Variants in AGO4 observed in about 807,000 individuals in gnomAD.
AGO4 encodes argonaute RISC component 4.
Under a neutral mutation model 104.7 loss-of-function variants are expected in AGO4, and 33 were observed. The ratio of observed to expected loss-of-function variants is 0.32; its 90% CI spans 0.24 to 0.42. The LOEUF (loss-of-function observed/expected upper bound fraction) is 0.42. Among genes scored for constraint, AGO4 ranks in the 10% least tolerant of loss-of-function variants. The pLI is 1.00. For synonymous variants in AGO4, 331 were observed against 364.7 expected (o/e 0.91, Z 1.05); for missense variants, 711 against 1,083.4 (o/e 0.66, Z 4.83).
intron 1 of AGO4, among the ~76,000 whole-genome samples, chr1:35,811,095 G>A (rs1297569932): frequency 1.3e-5 from 2 of 152,050 alleles, no homozygotes; most frequent in Non-Finnish European, 2.9e-5. Flanking sequence ...AGAGGATGCT[G>A]CGAGCTGAGA....
Position 35,856,426 on chromosome 1 carries a change from G to T in AGO4, c.*2821G>T, listed in dbSNP as rs1644817670. 1 of 152,270 alleles carries T rather than the reference G, an allele frequency of 6.6e-6. No individual in the cohort carries two copies. Among genetic ancestry groups the T allele is most frequent in the Non-Finnish European group, 1.5e-5 (1 of 68,104 alleles). 9.4% of individuals were successfully genotyped at this position (152,270 alleles called of 1,614,324 possible). On this transcript the variant is annotated 3_prime_UTR_variant, in exon 18 of 18. Coordinates refer to ENST00000373210, the MANE Select transcript of AGO4 (RefSeq NM_017629.4). The stretch of plus-strand genomic sequence containing the variant: ...CATTCTCTAGAAGTAGTTTTAGGCT[G>T]TTTGGTTTGGTTTTGGTTTTGTTTT...
intron 15 of AGO4, among the ~76,000 whole-genome samples, chr1:35,849,425 G>A (rs1482518079): frequency 6.7e-6 from 1 of 150,114 alleles, no homozygotes; most frequent in African/African-American, 2.5e-5. Flanking sequence ...GCTCGCACCT[G>A]TAGTCCTAGC....
intron 8 of AGO4, 71 bp from the exon 9 acceptor site, chr1:35,831,741 A>G: frequency 6.3e-7 from 1 of 1,586,150 alleles, no homozygotes; most frequent in Non-Finnish European, 8.6e-7. Context: ...AGAGGATATA[A>G]GATATGGTTT....
chr1:35,850,794 A>AAAC, intron 16 of AGO4, 60 bp from the exon 17 acceptor site: 1 of 1,100,434 alleles, frequency 9.1e-7, no homozygotes, highest in Non-Finnish European at 1.3e-6. Flanking sequence ...AAAAAAAAAA[A>AAAC]AAAAACAAAA....
At chr1:35,845,583 C>G (rs891179637) in intron 15 of AGO4, among the ~76,000 whole-genome samples, 1 of 152,080 alleles carries the variant, frequency 6.6e-6, no homozygotes, top group African/African-American at 2.4e-5. Flanking sequence ...TCATACTTCT[C>G]TCTCTTCTCT....
At chr1:35,839,154 G>T (rs1399683394) in intron 13 of AGO4, among the ~76,000 whole-genome samples, 1 of 151,740 alleles carries the variant, frequency 6.6e-6, no homozygotes, top group Non-Finnish European at 1.5e-5. Flanking sequence ...CTTATTTTTT[G>T]TATTTTTCAT....
rs1415425947 is a variant in AGO4, at chr1:35,825,299, AT to A, written c.307-7del. The A allele has an allele frequency of 1.2e-6, 2 of 1,609,388 alleles. No homozygotes were observed. Among genetic ancestry groups the A allele is most frequent in the South Asian group, 1.1e-5 (1 of 90,704 alleles). ...TAAACATTTGTGTTTGTATTCATGT[AT>A]TTTTTTCCTTAGGTTGATATGGAGG... On this transcript the variant is annotated splice_polypyrimidine_tract_variant and intron_variant, in intron 3 of 17. Coordinates refer to ENST00000373210, the MANE Select transcript of AGO4 (RefSeq NM_017629.4).
At chr1:35,853,426 T>C in intron 17 of AGO4, 71 bp from the exon 18 acceptor site, 3 of 1,426,228 alleles carry the variant, frequency 2.1e-6, no homozygotes, top group South Asian at 1.3e-5. Flanking sequence ...TTTTGTTTTT[T>C]TGTTGTTGTT....
intron 3 of AGO4, among the ~76,000 whole-genome samples, chr1:35,824,871 T>C (rs1350162061): frequency 3.9e-5 from 6 of 152,226 alleles, no homozygotes; most frequent in Admixed American, 3.3e-4. Flanking sequence ...GCATCCATCA[T>C]CACTATCCAT....
chr1:35,807,820 C>T (rs1643343386), upstream of AGO4, among the ~76,000 whole-genome samples: 1 of 152,140 alleles, frequency 6.6e-6, no homozygotes, highest in East Asian at 1.9e-4. Context: ...ACTTTCCACT[C>T]ACAGAAGTGG....
rs142444508 is a variant in AGO4, at chr1:35,840,152, C to T, written c.1725-1013C>T. The stretch of plus-strand genomic sequence containing the variant: ...GATTACAGGTGAGCGCCTCCATGCC[C>T]GTCTAATTTTTTTTTTTGTTTGTTT... On this transcript the variant is annotated intron_variant, in intron 13 of 17. Transcript: ENST00000373210. Among the ~76,000 whole-genome samples the T allele has an allele frequency of 8.8e-4, 131 of 148,062 alleles. 1 individual carries two copies. Among genetic ancestry groups the T allele is most frequent in the African/African-American group, 1.7e-3 (70 of 40,056 alleles).
chr1:35,845,396 A>C (rs1644548329), intron 15 of AGO4, among the ~76,000 whole-genome samples: 1 of 151,796 alleles, frequency 6.6e-6, no homozygotes, highest in Non-Finnish European at 1.5e-5. Context: ...TGGTAGAGAC[A>C]GGGTTTCACT....
intron 7 of AGO4, among the ~76,000 whole-genome samples, chr1:35,830,981 A>AG (rs2148667066): frequency 6.6e-6 from 1 of 151,612 alleles, no homozygotes; most frequent in East Asian, 1.9e-4. Flanking sequence ...CACAAAAAAA[A>AG]AAAAAAAAAA....
intron 1 of AGO4, among the ~76,000 whole-genome samples, chr1:35,812,644 T>C (rs996969969): frequency 2.0e-5 from 3 of 152,180 alleles, no homozygotes; most frequent in Non-Finnish European, 4.4e-5. Flanking sequence ...CTTGCTGGAT[T>C]GCAGTGGCAT....
intron 13 of AGO4, among the ~76,000 whole-genome samples, chr1:35,840,327 A>G (rs1644409867): frequency 6.6e-6 from 1 of 151,814 alleles, no homozygotes; most frequent in South Asian, 2.1e-4. Context: ...CACCTGGCTA[A>G]TTTTTGTATT....
rs1287277169 is a variant in AGO4 at position 35,853,954 on chromosome 1, TAGAAG to T, written c.*356_*360del. 1.2e-5 allele frequency: 2 copies of T among 167,258 alleles called. No homozygotes were observed. Among genetic ancestry groups the T allele is most frequent in the African/African-American group, 4.8e-5 (2 of 41,950 alleles). 10.4% of individuals were successfully genotyped at this position (167,258 alleles called of 1,614,324 possible). A position where few individuals can be genotyped will look rare whatever the true frequency, so the allele number is the denominator to read the frequency against. On this transcript the variant is annotated 3_prime_UTR_variant, in exon 18 of 18. Coordinates refer to ENST00000373210, the MANE Select transcript of AGO4 (RefSeq NM_017629.4). ...GGTGTTCACCGCATCCCTCTAGTCT[TAGAAG>T]AGAAGATTATTCCTTTTTTCTGTAG...
intron 2 of AGO4, among the ~76,000 whole-genome samples, chr1:35,821,650 A>G (rs1643888528): frequency 6.6e-6 from 1 of 152,230 alleles, no homozygotes; most frequent in Non-Finnish European, 1.5e-5. Context: ...AAGAAGCTAT[A>G]TTAATAATCT....
rs377632953 is a variant in AGO4 at position 35,841,443 on chromosome 1, A to G, written c.2003A>G (p.Tyr668Cys). The G allele has an allele frequency of 5.0e-6, 8 of 1,613,940 alleles. No homozygotes were observed. The highest frequency in any genetic ancestry group is 1.1e-5 in the South Asian group (1 of 91,080). Reference protein sequence around the residue: ...STRFKPTRIIYYRGGVSEGQM... With the variant: ...STRFKPTRIICYRGGVSEGQM... ...CGCTTCAAACCCACTCGGATCATCTATTACCGTGGAGGGGTATCTGAGGGA... is the reference window on the plus strand; with the variant it reads ...CGCTTCAAACCCACTCGGATCATCTGTTACCGTGGAGGGGTATCTGAGGGA... Residue 668 changes from tyrosine to cysteine, a missense_variant, in exon 14 of 18, where the codon TAT becomes TGT. Around this residue, in one of 3 missense-constraint regions of AGO4, gnomAD observed 401 missense variants for 665.5 expected, o/e 0.60. Transcript: ENST00000373210. The surrounding 1 kb of genome is among the most constrained non-coding windows in gnomAD (Gnocchi z 4.7).
At chr1:35,839,902 G>A (rs1644397965) in intron 13 of AGO4, among the ~76,000 whole-genome samples, 1 of 151,608 alleles carries the variant, frequency 6.6e-6, no homozygotes, top group African/African-American at 2.4e-5. Flanking sequence ...AGGAGGTTGA[G>A]GCTGCAGTGA....
Sources: gnomAD v4.1 joint callset for allele counts (sites outside exome capture counted in the v4.1 genomes callset) on GRCh38, gnomAD v4.1.1 for gene constraint, gnomAD v4.1.1 regional missense constraint, Gnocchi (gnomAD v3.1) non-coding constraint, MANE v1.5 for transcripts, NCBI Gene and HGNC (gene_info 2026-07-23, HGNC 2026-07-21) for gene names.